ME3: variants seen among roughly 807,000 people sequenced by gnomAD.
ME3 encodes NADP-dependent malic enzyme, mitochondrial.
A neutral mutation model predicts 68.9 loss-of-function variants in ME3; 48 were observed. The ratio of observed to expected loss-of-function variants is 0.70; its 90% CI spans 0.55 to 0.89. The LOEUF is 0.89. Among genes scored for constraint, ME3 ranks in the 40% least tolerant of loss-of-function variants. The pLI, the probability that ME3 is intolerant of heterozygous loss-of-function variation, is 0.00. For synonymous variants in ME3, 320 were observed against 318.8 expected (o/e 1.00, Z -0.04); for missense variants, 675 against 797.4 (o/e 0.85, Z 1.85).
intron 4 of ME3, among the ~76,000 whole-genome samples, chr11:86,529,831 A>G (rs967148579): frequency 2.0e-5 from 3 of 152,216 alleles, no homozygotes; most frequent in Non-Finnish European, 4.4e-5. Flanking sequence ...CTCTCAATAA[A>G]TTAGGTATTG....
chr11:86,591,787 A>G (rs1260303889), intron 2 of ME3, among the ~76,000 whole-genome samples: 1 of 152,076 alleles, frequency 6.6e-6, no homozygotes, highest in East Asian at 1.9e-4. Context: ...AAATCATCAG[A>G]TCTCGTGAGA....
rs1170027855 is a variant in ME3 at position 86,594,720 on chromosome 11, CAA to C, written c.184-34899_184-34898del. ...AACACAAAAAAACAAAAAAACGAAA[CAA>C]AGTCTGCTCTCCAAATGTGAAATTT... On this transcript the variant is annotated intron_variant, in intron 2 of 14. Transcript: ENST00000543262. 1.4e-5 allele frequency among the ~76,000 whole-genome samples: 2 copies of C among 145,916 alleles called. 1 individual carries two copies. Among genetic ancestry groups the C allele is most frequent in the Non-Finnish European group, 3.0e-5 (2 of 67,008 alleles).
At chr11:86,537,287 A>T (rs954925377) in intron 4 of ME3, among the ~76,000 whole-genome samples, 43 of 102,096 alleles carry the variant, frequency 4.2e-4, no homozygotes, top group African/African-American at 1.1e-3. Context: ...AAAGTATAAT[A>T]AAAAAAAACA....
chr11:86,610,667 G>A (rs944834055), intron 2 of ME3, among the ~76,000 whole-genome samples: 1 of 151,008 alleles, frequency 6.6e-6, no homozygotes, highest in Non-Finnish European at 1.5e-5. Flanking sequence ...CTGTGGGGTT[G>A]GGGGGTGGCT....
intron 2 of ME3, among the ~76,000 whole-genome samples, chr11:86,564,681 C>T (rs1015790252): frequency 2.0e-5 from 3 of 152,150 alleles, no homozygotes; most frequent in Admixed American, 1.3e-4. Flanking sequence ...CCCTAACTCA[C>T]ATTATACACA....
At chr11:86,655,093 A>G (rs1192615491) in intron 2 of ME3, among the ~76,000 whole-genome samples, 1 of 152,232 alleles carries the variant, frequency 6.6e-6, no homozygotes, top group Non-Finnish European at 1.5e-5. Context: ...CAATGAAATA[A>G]AAGAGGATAC....
rs1950661356 is a variant in ME3, at chr11:86,469,426, A to C, written c.810-4226T>G. Among the ~76,000 whole-genome samples the C allele has an allele frequency of 2.0e-5, 3 of 152,108 alleles. No homozygotes were observed. In the South Asian group the frequency reaches 6.2e-4, roughly 32 times the overall value. The stretch of plus-strand genomic sequence containing the variant: ...ACCAGCTGAGTGAGCAGGGCAAGGC[A>C]GCCACCCTCCAGGTCATACTGTGGA... On this transcript the variant is annotated intron_variant, in intron 7 of 14. Coordinates refer to ENST00000543262, the Ensembl canonical transcript of ME3.
At chr11:86,665,099 T>G (rs1482443336) in intron 2 of ME3, among the ~76,000 whole-genome samples, 1 of 152,230 alleles carries the variant, frequency 6.6e-6, no homozygotes, top group East Asian at 1.9e-4. Context: ...AGCAGATGTC[T>G]CTTTGAATGA....
intron 2 of ME3, among the ~76,000 whole-genome samples, chr11:86,658,698 C>T (rs1414640882): frequency 2.0e-5 from 3 of 151,970 alleles, no homozygotes; most frequent in Non-Finnish European, 4.4e-5. Flanking sequence ...GCTTGGCAGG[C>T]CCTCGCTCCT....
chr11:86,576,184 G>A (rs7109521), intron 2 of ME3, among the ~76,000 whole-genome samples: 53,630 of 152,014 alleles, frequency 0.35, 9,779 homozygotes, highest in East Asian at 0.53. Flanking sequence ...CAAAGATGAG[G>A]ACATGATTAA....
At chr11:86,471,172 G>A (rs1318912703) in intron 7 of ME3, among the ~76,000 whole-genome samples, 1 of 99,194 alleles carries the variant, frequency 1.0e-5, no homozygotes, top group Non-Finnish European at 1.8e-5. Flanking sequence ...TTTTTTGAGA[G>A]ACAGAGTCTT....
At chr11:86,650,970 C>T (rs1291012440) in intron 2 of ME3, among the ~76,000 whole-genome samples, 2 of 152,242 alleles carry the variant, frequency 1.3e-5, no homozygotes, top group African/African-American at 4.8e-5. Context: ...TTCGGAGGGT[C>T]CTACGCCCAC....
rs540565891 is a variant in ME3, at chr11:86,450,828, A to G, written c.920-430T>C. 5.9e-5 allele frequency among the ~76,000 whole-genome samples: 9 copies of G among 152,338 alleles called. No homozygotes were observed. In the East Asian group the frequency reaches 9.6e-4, roughly 16 times the overall value. On this transcript the variant is annotated intron_variant, in intron 8 of 14. Coordinates refer to ENST00000543262, the Ensembl canonical transcript of ME3. ...CCATATGGCCTGAGCTGCCCATCTT[A>G]TCTACCAAGTCATAAGGTTGGCTGT...
At chr11:86,581,992 C>G (rs769931456) in intron 2 of ME3, among the ~76,000 whole-genome samples, 4 of 152,266 alleles carry the variant, frequency 2.6e-5, no homozygotes, top group Non-Finnish European at 5.9e-5. Context: ...TCCTACTGTT[C>G]TGCCCCTGGA....
At chr11:86,599,317 G>C (rs1960163039) in intron 2 of ME3, among the ~76,000 whole-genome samples, 1 of 152,212 alleles carries the variant, frequency 6.6e-6, no homozygotes, top group South Asian at 2.1e-4. Context: ...GAAGCCTCTG[G>C]AGCCGATGCA....
intron 2 of ME3, among the ~76,000 whole-genome samples, chr11:86,603,976 A>G (rs533826338): frequency 1.3e-5 from 2 of 149,738 alleles, no homozygotes; most frequent in South Asian, 4.4e-4. Flanking sequence ...GGATAGCATT[A>G]GGAGATATGC....
At chr11:86,558,415 G>C (rs1332730165) in intron 3 of ME3, among the ~76,000 whole-genome samples, 4 of 152,192 alleles carry the variant, frequency 2.6e-5, no homozygotes, top group Non-Finnish European at 5.9e-5. Context: ...TATGGCCTTG[G>C]AGTTAATGTG....
intron 4 of ME3, among the ~76,000 whole-genome samples, chr11:86,513,519 A>C (rs1000793641): frequency 2.6e-5 from 4 of 152,218 alleles, no homozygotes; most frequent in Non-Finnish European, 4.4e-5. Flanking sequence ...AGCTGGGTCC[A>C]CCTGAACCAG....
intron 6 of ME3, among the ~76,000 whole-genome samples, chr11:86,487,737 T>C (rs1951780203): frequency 6.6e-6 from 1 of 152,212 alleles, no homozygotes; most frequent in South Asian, 2.1e-4. Context: ...TAGGGTTATT[T>C]CAGGATTTCT....
Sources: allele counts gnomAD v4.1 joint callset (sites outside exome capture counted in the v4.1 genomes callset), GRCh38; gene constraint gnomAD v4.1.1; transcripts MANE v1.5; gene names NCBI Gene and HGNC (gene_info 2026-07-23, HGNC 2026-07-21).